The following IQSEC1 variants were observed in gnomAD, a reference collection of about 807,000 sequenced individuals.
IQSEC1 encodes IQ motif and Sec7 domain ArfGEF 1, also known as IQ motif and SEC7 domain-containing protein 1.
Under a neutral mutation model 91.0 loss-of-function variants are expected in IQSEC1, and 31 were observed. The observed-to-expected ratio is 0.34, with a 90% CI of 0.26 to 0.46. IQSEC1 has a LOEUF of 0.46. IQSEC1 is among the 20% of genes least tolerant of loss of function. The pLI is 1.00. For missense variants in IQSEC1, 1,388 were observed against 1,575.6 expected (o/e 0.88, Z 2.02); for synonymous variants, 699 against 662.6 (o/e 1.05, Z -0.84).
At chr3:13,136,289 G>A (rs994700801) in intron 2 of IQSEC1, among the ~76,000 whole-genome samples, 2 of 152,214 alleles carry the variant, frequency 1.3e-5, no homozygotes, top group East Asian at 1.9e-4. Flanking sequence ...CACCCCAGCC[G>A]GCTCAGACAC....
chr3:13,085,275 C>T (rs55909963), intron 2 of IQSEC1, among the ~76,000 whole-genome samples: 20,050 of 152,044 alleles, frequency 0.13, 1,420 homozygotes, highest in East Asian at 0.27. Flanking sequence ...CCAGTAGCAG[C>T]AAGGGTGATG....
chr3:12,977,997 A>T (rs940034805), intron 1 of IQSEC1, among the ~76,000 whole-genome samples: 1 of 152,162 alleles, frequency 6.6e-6, no homozygotes, highest in Non-Finnish European at 1.5e-5. Context: ...CCCACCTACT[A>T]TGTGTTAGGC....
chr3:12,912,152 G>A (rs1042788475), intron 9 of IQSEC1, among the ~76,000 whole-genome samples: 1 of 152,212 alleles, frequency 6.6e-6, no homozygotes, highest in African/African-American at 2.4e-5. Context: ...TGGCCTGCAG[G>A]GAGACTGGCC....
intron 1 of IQSEC1, among the ~76,000 whole-genome samples, chr3:13,269,305 T>C (rs932538671): frequency 6.6e-6 from 1 of 152,168 alleles, no homozygotes; most frequent in Non-Finnish European, 1.5e-5. Context: ...AAGGCAGCGC[T>C]CTCAGTGACT....
At chr3:12,926,517 C>T (rs1697150929) in intron 3 of IQSEC1, among the ~76,000 whole-genome samples, 1 of 152,218 alleles carries the variant, frequency 6.6e-6, no homozygotes, top group Non-Finnish European at 1.5e-5. Flanking sequence ...GGGACACCCT[C>T]CAGGGACACG....
At chr3:13,144,866 G>C (rs984287910) in intron 2 of IQSEC1, among the ~76,000 whole-genome samples, 2 of 152,214 alleles carry the variant, frequency 1.3e-5, no homozygotes, top group Admixed American at 6.5e-5. Context: ...AGCAGCGCTT[G>C]GGCCGAAGCG....
chr3:13,181,344 A>G (rs1317821537), intron 1 of IQSEC1, among the ~76,000 whole-genome samples: 3 of 152,260 alleles, frequency 2.0e-5, no homozygotes, highest in African/African-American at 7.2e-5. Context: ...AAATAAATCT[A>G]CAAGTATGGC....
At chr3:12,905,945 G>A (rs887108971) in intron 12 of IQSEC1, among the ~76,000 whole-genome samples, 6 of 152,204 alleles carry the variant, frequency 3.9e-5, no homozygotes, top group African/African-American at 9.7e-5. Flanking sequence ...AATGAGCACC[G>A]GGTGGGGAGT....
intron 1 of IQSEC1, among the ~76,000 whole-genome samples, chr3:13,267,411 C>T (rs1695510570): frequency 6.6e-6 from 1 of 152,114 alleles, no homozygotes; most frequent in South Asian, 2.1e-4. Flanking sequence ...CTACATTTTA[C>T]AATAAAAACA....
intron 1 of IQSEC1, among the ~76,000 whole-genome samples, chr3:13,066,921 A>T (rs1467880643): frequency 6.6e-6 from 1 of 152,184 alleles, no homozygotes; most frequent in East Asian, 1.9e-4. Flanking sequence ...GATCGGCAGG[A>T]TGGGGCCATG....
intron 3 of IQSEC1, among the ~76,000 whole-genome samples, chr3:12,928,766 G>A (rs1217706200): frequency 6.6e-6 from 1 of 152,138 alleles, no homozygotes; most frequent in Admixed American, 6.5e-5. Context: ...TGTGGCCTTG[G>A]ACCCCCACCA....
chr3:13,080,519 G>A (rs192019854), intron 2 of IQSEC1, among the ~76,000 whole-genome samples: 82 of 152,240 alleles, frequency 5.4e-4, no homozygotes, highest in Non-Finnish European at 9.1e-4. Flanking sequence ...GGCTTTGAGC[G>A]TCTGGCTGGA....
intron 1 of IQSEC1, among the ~76,000 whole-genome samples, chr3:13,067,935 T>C (rs1177944379): frequency 6.6e-6 from 1 of 152,202 alleles, no homozygotes; most frequent in Non-Finnish European, 1.5e-5. Context: ...CTTGGGGGGC[T>C]TCAACAAAGG....
chr3:12,905,690 G>C (rs565836195), intron 12 of IQSEC1, among the ~76,000 whole-genome samples: 7 of 152,226 alleles, frequency 4.6e-5, no homozygotes, highest in Admixed American at 2.0e-4. Context: ...TGCTTCACAC[G>C]TGGCAGGGGC....
intron 2 of IQSEC1, among the ~76,000 whole-genome samples, chr3:13,090,062 A>C (rs1705811676): frequency 6.6e-6 from 1 of 151,882 alleles, no homozygotes; most frequent in Non-Finnish European, 1.5e-5. Context: ...AAAAAATACA[A>C]AAAATATTAG....
chr3:12,985,034 C>T (rs998542982), intron 1 of IQSEC1, among the ~76,000 whole-genome samples: 5 of 152,038 alleles, frequency 3.3e-5, no homozygotes, highest in Non-Finnish European at 7.4e-5. Context: ...CCGTGTTAGC[C>T]AGGATGGTCT....
chr3:13,185,914 C>T (rs866127780), intron 1 of IQSEC1, among the ~76,000 whole-genome samples: 2 of 152,258 alleles, frequency 1.3e-5, no homozygotes, highest in Non-Finnish European at 2.9e-5. Flanking sequence ...AGAACTGCTG[C>T]AGGGCACCTG....
chr3:13,191,158 G>A (rs1694023241), intron 1 of IQSEC1, among the ~76,000 whole-genome samples: 1 of 152,162 alleles, frequency 6.6e-6, no homozygotes. Flanking sequence ...ACACTAAGAC[G>A]TGGGGCTTCA....
At chr3:13,254,393 G>A (rs9814821) in intron 1 of IQSEC1, among the ~76,000 whole-genome samples, 14,596 of 152,276 alleles carry the variant, frequency 0.096, 1,194 homozygotes, top group African/African-American at 0.22. Context: ...CAGTCCCCAT[G>A]TCCAGCCCTC....
Sources: allele counts gnomAD v4.1 joint callset (sites outside exome capture counted in the v4.1 genomes callset), GRCh38; gene constraint gnomAD v4.1.1; transcripts MANE v1.5; gene names NCBI Gene and HGNC (gene_info 2026-07-23, HGNC 2026-07-21).